The following RAI14 variants were observed in gnomAD, a reference collection of about 807,000 sequenced individuals.
The protein encoded by RAI14 is ankycorbin.
A neutral mutation model predicts 115.4 loss-of-function variants in RAI14; 45 were observed. The observed-to-expected ratio is 0.39, with a 90% CI of 0.31 to 0.50. The LOEUF is 0.50. RAI14 is among the 20% of genes least tolerant of loss of function. The probability of loss-of-function intolerance (pLI) is 0.85; values close to 1 mark genes in which losing one functional copy is unlikely to be tolerated. For synonymous variants in RAI14, 371 were observed against 415.4 expected, an observed-to-expected ratio of 0.89 and a Z score of 1.30; for missense variants, 939 against 1,131.2, an observed-to-expected ratio of 0.83 and a Z score of 2.44.
intron 1 of RAI14, among the ~76,000 whole-genome samples, chr5:34,658,071 G>A (rs1742420931): frequency 6.6e-6 from 1 of 152,124 alleles, no homozygotes; most frequent in African/African-American, 2.4e-5. Flanking sequence ...TCCCGTGCTG[G>A]GCTGTTGCAC....
rs562072988 is a variant in RAI14, at chr5:34,827,452, G to A, written c.2799+973G>A. Among the ~76,000 whole-genome samples, 1 of 152,134 alleles carries A rather than the reference G, an allele frequency of 6.6e-6. No homozygotes were observed. Among genetic ancestry groups the A allele is most frequent in the Non-Finnish European group, 1.5e-5 (1 of 68,016 alleles). On this transcript the variant is annotated intron_variant, in intron 16 of 17. Transcript: ENST00000265109. This position sits in a 1 kb window ranked among gnomAD's most constrained non-coding sequence, Gnocchi z 4.2. ...GTTTGAGTTGGCATGGGTACATTCC[G>A]TTTTCTACCTAAAGTCCAGGGTTAG...
intron 1 of RAI14, among the ~76,000 whole-genome samples, chr5:34,682,295 G>A (rs1744446879): frequency 6.6e-6 from 1 of 151,794 alleles, no homozygotes; most frequent in Non-Finnish European, 1.5e-5. Flanking sequence ...ATGGTTTTTA[G>A]TATGTTCACA....
chr5:34,825,750 C>T (rs1030607300), intron 15 of RAI14, among the ~76,000 whole-genome samples: 2 of 151,924 alleles, frequency 1.3e-5, no homozygotes, highest in African/African-American at 4.8e-5. Flanking sequence ...TCCCCTGTCT[C>T]GGAGGTTCCG....
chr5:34,819,537 T>C (rs939368390), intron 13 of RAI14, among the ~76,000 whole-genome samples: 1 of 152,220 alleles, frequency 6.6e-6, no homozygotes, highest in East Asian at 1.9e-4. Flanking sequence ...TGTAATCATA[T>C]TGTCTTTATG....
rs114521667 is a variant in RAI14, at chr5:34,763,549, T to G, written c.167+5951T>G. 2.6e-3 allele frequency among the ~76,000 whole-genome samples: 391 copies of G among 152,378 alleles called. 1 individual carries two copies. The highest frequency in any genetic ancestry group is 8.9e-3 in the African/African-American group (371 of 41,588). On this transcript the variant is annotated intron_variant, in intron 3 of 17. Coordinates refer to ENST00000265109, the MANE Select transcript of RAI14 (RefSeq NM_015577.3). ...CTGGGTCCAAAATGTTCCAGACTTTTTCATAAGTAAATACAAAAGGAGAAA... is the reference window on the plus strand; with the variant it reads ...CTGGGTCCAAAATGTTCCAGACTTTGTCATAAGTAAATACAAAAGGAGAAA...
chr5:34,787,024 G>A (rs778939817), intron 3 of RAI14, among the ~76,000 whole-genome samples: 12 of 152,298 alleles, frequency 7.9e-5, no homozygotes, highest in African/African-American at 1.4e-4. Context: ...AGTGCAGATC[G>A]CTCATGCTAT....
intron 2 of RAI14, among the ~76,000 whole-genome samples, chr5:34,727,877 C>T (rs751628307): frequency 1.3e-5 from 2 of 152,132 alleles, no homozygotes; most frequent in Non-Finnish European, 2.9e-5. Flanking sequence ...ATGTGGAGTG[C>T]GAACCCCCAC....
At chr5:34,667,237 C>T (rs1001492116) in intron 1 of RAI14, 1 of 152,116 alleles carries the variant, frequency 6.6e-6, no homozygotes, top group Non-Finnish European at 1.5e-5. Flanking sequence ...AGAAAATGTT[C>T]ACGTTTCTCT....
At chr5:34,804,264 G>A (rs1284912912) in intron 5 of RAI14, among the ~76,000 whole-genome samples, 1 of 152,060 alleles carries the variant, frequency 6.6e-6, no homozygotes, top group Non-Finnish European at 1.5e-5. Context: ...TAAGTCCTTG[G>A]TTTTATTCTT....
intron 3 of RAI14, among the ~76,000 whole-genome samples, chr5:34,786,457 C>T (rs966033826): frequency 1.3e-5 from 2 of 152,206 alleles, no homozygotes; most frequent in African/African-American, 2.4e-5. Context: ...ACTTCTTCCT[C>T]CTTTGCCACT....
intron 2 of RAI14, among the ~76,000 whole-genome samples, chr5:34,718,937 A>T (rs1288647203): frequency 6.6e-6 from 1 of 152,242 alleles, no homozygotes; most frequent in Non-Finnish European, 1.5e-5. Context: ...AATGCACAAG[A>T]TGAAAATCAA....
At chr5:34,752,745 G>GTATATATATATA (rs1373860856) in intron 2 of RAI14, among the ~76,000 whole-genome samples, 14 of 105,268 alleles carry the variant, frequency 1.3e-4, no homozygotes, top group African/African-American at 4.9e-4. Context: ...GTGTGTGTGT[G>GTATATATATATA]TGTGTATATA....
At chr5:34,774,637 T>A (rs1750616588) in intron 3 of RAI14, among the ~76,000 whole-genome samples, 1 of 151,948 alleles carries the variant, frequency 6.6e-6, no homozygotes, top group Admixed American at 6.6e-5. Context: ...AATGGAAACA[T>A]TCTTTAACAA....
At chr5:34,687,830 C>A in intron 2 of RAI14, 2 of 1,360,530 alleles carry the variant, frequency 1.5e-6, no homozygotes, top group Non-Finnish European at 2.0e-6. Context: ...GACAGCTTGG[C>A]ACAGCTGCAT....
intron 1 of RAI14, among the ~76,000 whole-genome samples, chr5:34,683,967 TCCG>T (rs1744596117): frequency 6.6e-6 from 1 of 152,302 alleles, no homozygotes; most frequent in East Asian, 1.9e-4. Flanking sequence ...GACCTTGTGT[TCCG>T]CCGGCCTCGG....
At chr5:34,676,371 G>A (rs1743975550) in intron 1 of RAI14, among the ~76,000 whole-genome samples, 2 of 152,174 alleles carry the variant, frequency 1.3e-5, no homozygotes, top group South Asian at 4.2e-4. Flanking sequence ...ACACAGAACA[G>A]GACAAGCATT....
At chr5:34,691,125 GGTAGGA>G (rs942378288) in intron 2 of RAI14, among the ~76,000 whole-genome samples, 4 of 152,006 alleles carry the variant, frequency 2.6e-5, no homozygotes, top group African/African-American at 9.7e-5. Context: ...TTGAGGGATA[GGTAGGA>G]GTTGGAAGGA....
At chr5:34,697,978 A>G (rs1379006562) in intron 2 of RAI14, among the ~76,000 whole-genome samples, 1 of 151,742 alleles carries the variant, frequency 6.6e-6, no homozygotes, top group African/African-American at 2.4e-5. Flanking sequence ...TGGTTGCCAT[A>G]TTGTCCTTTT....
rs202022915 is a variant in RAI14, at chr5:34,816,664, G to GT, written c.939+2004dup. Among the ~76,000 whole-genome samples, 371 of 150,832 alleles carry GT rather than the reference G, an allele frequency of 2.5e-3. 1 individual carries two copies. The highest frequency in any genetic ancestry group is 4.4e-3 in the Non-Finnish European group (298 of 67,594). On this transcript the variant is annotated intron_variant, in intron 12 of 17. Coordinates refer to ENST00000265109, the MANE Select transcript of RAI14 (RefSeq NM_015577.3). Reference sequence around the variant, plus strand: ...TCCCTTATTTAGAATTATTAAAGATGTTTTTTTTTAACTTGGATACACATT... The same window carrying GT: ...TCCCTTATTTAGAATTATTAAAGATGTTTTTTTTTTAACTTGGATACACATT...
Sources: gnomAD v4.1 joint callset for allele counts (sites outside exome capture counted in the v4.1 genomes callset) on GRCh38, gnomAD v4.1.1 for gene constraint, Gnocchi (gnomAD v3.1) non-coding constraint, MANE v1.5 for transcripts, NCBI Gene and HGNC (gene_info 2026-07-23, HGNC 2026-07-21) for gene names.